The following STARD9 variants were observed in gnomAD, a reference collection of about 807,000 sequenced individuals.
STARD9 encodes StAR related lipid transfer domain containing 9, also known as stAR-related lipid transfer protein 9.
STARD9 carries 346 observed loss-of-function variants against 399.8 expected under a neutral mutation model. That is an observed-to-expected ratio of 0.87 (90% confidence interval 0.79 to 0.95). The LOEUF is 0.95. STARD9 is among the 40% of genes least tolerant of loss of function. The pLI, the probability that STARD9 is intolerant of heterozygous loss-of-function variation, is 0.00. For missense variants in STARD9, 5,832 were observed against 5,667.5 expected, an observed-to-expected ratio of 1.03 and a Z score of -0.93; for synonymous variants, 2,203 against 2,143.5, an observed-to-expected ratio of 1.03 and a Z score of -0.77.
chr15:42,693,189 C>G lies in STARD9; in HGVS notation c.11611C>G (p.Pro3871Ala). Residue 3871 changes from proline to alanine, a missense_variant, in exon 23 of 33, where the codon CCC becomes GCC. Coordinates refer to ENST00000290607, the MANE Select transcript of STARD9 (RefSeq NM_020759.3). ...CTCCCCTCATTCCCCAGGGCTCTTT[C>G]CCAGTACTTCCGAGTATCCTGGGGA... Reference protein sequence around the residue: ...PSSPHSPGLFPSTSEYPGDSR... With the variant: ...PSSPHSPGLFASTSEYPGDSR... 6.5e-7 allele frequency: 1 copy of G among 1,537,136 alleles called. No individual in the cohort carries two copies. The highest frequency in any genetic ancestry group is 8.7e-7 in the Non-Finnish European group (1 of 1,146,896).
At chr15:42,597,998 ATATGTGTGTGTG>A (rs1438219353) in intron 3 of STARD9, among the ~76,000 whole-genome samples, 26 of 112,692 alleles carry the variant, frequency 2.3e-4, no homozygotes, top group Non-Finnish European at 3.9e-4. Context: ...TTGTATATAT[ATATGTGTGTGTG>A]TGTGTGTGTG....
chr15:42,599,953 A>G (rs1208160396), intron 3 of STARD9, among the ~76,000 whole-genome samples: 1 of 152,158 alleles, frequency 6.6e-6, no homozygotes, highest in Non-Finnish European at 1.5e-5. Context: ...TAACATATCC[A>G]AAGTTTGTTT....
intron 3 of STARD9, among the ~76,000 whole-genome samples, chr15:42,633,141 CAATT>C (rs2059362543): frequency 6.8e-6 from 1 of 148,008 alleles, no homozygotes; most frequent in South Asian, 2.1e-4. Flanking sequence ...GACCCTGTCT[CAATT>C]AAAAAAAAAA....
At chr15:42,623,407 CTA>C (rs545893546) in intron 3 of STARD9, among the ~76,000 whole-genome samples, 322 of 152,290 alleles carry the variant, frequency 2.1e-3, no homozygotes, top group African/African-American at 7.6e-3. Flanking sequence ...TTTACTGACT[CTA>C]TGGTCTATCT....
chr15:42,702,493 C>T (rs1001219155), intron 26 of STARD9, among the ~76,000 whole-genome samples: 16 of 152,252 alleles, frequency 1.1e-4, no homozygotes, highest in Admixed American at 2.6e-4. Context: ...TGAGCCACCG[C>T]GCCCGGCCTG....
chr15:42,640,994 C>CTTGCA (rs1016718374), intron 7 of STARD9, among the ~76,000 whole-genome samples: 1 of 152,070 alleles, frequency 6.6e-6, no homozygotes, highest in Non-Finnish European at 1.5e-5. Flanking sequence ...AACTGGGAAA[C>CTTGCA]TTGCATTGCA....
chr15:42,609,843 A>G (rs1039391524), intron 3 of STARD9, among the ~76,000 whole-genome samples: 24 of 152,132 alleles, frequency 1.6e-4, no homozygotes, highest in African/African-American at 5.5e-4. Flanking sequence ...CTGCAATTCC[A>G]GCACTTTGGG....
At chr15:42,609,046 TC>T (rs2058795624) in intron 3 of STARD9, among the ~76,000 whole-genome samples, 2 of 152,120 alleles carry the variant, frequency 1.3e-5, no homozygotes, top group South Asian at 4.1e-4. Context: ...GCTAGGGTTT[TC>T]TTATGACAGT....
chr15:42,585,675 T>C (rs1566851800), intron 3 of STARD9, 38 bp downstream of exon 3: 2 of 1,241,660 alleles, frequency 1.6e-6, no homozygotes, highest in Non-Finnish European at 2.3e-6. Context: ...CCTCAGTTCT[T>C]TTTTTATGTA....
chr15:42,710,406 G>A (rs578148433), intron 26 of STARD9, among the ~76,000 whole-genome samples: 11 of 151,936 alleles, frequency 7.2e-5, no homozygotes, highest in Admixed American at 2.0e-4. Flanking sequence ...ATAATCCATT[G>A]GCTTTAGTAT....
intron 3 of STARD9, among the ~76,000 whole-genome samples, chr15:42,613,470 A>G (rs2141821854): frequency 6.6e-6 from 1 of 152,326 alleles, no homozygotes; most frequent in East Asian, 1.9e-4. Flanking sequence ...TTTATTTCCC[A>G]GATTCATAAT....
intron 6 of STARD9, 45 bp downstream of exon 6, chr15:42,638,132 A>G (rs1347808876): frequency 3.3e-6 from 5 of 1,493,794 alleles, no homozygotes; most frequent in Non-Finnish European, 4.5e-6. Context: ...TTCTTCTTCT[A>G]CTCCAAATTC....
chr15:42,648,497 G>T (rs2059690163), intron 7 of STARD9, among the ~76,000 whole-genome samples: 1 of 152,132 alleles, frequency 6.6e-6, no homozygotes, highest in South Asian at 2.1e-4. Context: ...AGTTCACTGA[G>T]TACAGAATTT....
chr15:42,675,957 C>T lies in STARD9; in HGVS notation c.1856C>T (p.Pro619Leu). ...DLAASRLGLS[P>L]LLWKERRALE... ...GCTGCCTCCCGGCTGGGTCTCTCCC[C>T]TTTGCTTTGGAAGGAAAGGTAAGAA... The change falls in exon 20 of 33, where the codon CCT becomes CTT. Residue 619 changes from proline to leucine, a missense_variant. Physicochemically the swap from Pro to Leu is moderately conservative, Grantham distance 98. Coordinates refer to ENST00000290607, the MANE Select transcript of STARD9 (RefSeq NM_020759.3). 1.4e-6 allele frequency: 2 copies of T among 1,437,988 alleles called. No homozygotes were observed. Among genetic ancestry groups the T allele is most frequent in the Admixed American group, 2.2e-5 (1 of 45,314 alleles). The allele number at this position is 1,437,988 out of a possible 1,614,324, so 89.1% of individuals were successfully genotyped here.
At chr15:42,617,336 T>G (rs2058985378) in intron 3 of STARD9, among the ~76,000 whole-genome samples, 1 of 152,176 alleles carries the variant, frequency 6.6e-6, no homozygotes, top group Non-Finnish European at 1.5e-5. Context: ...AAAAGAACAT[T>G]TATAGGGTGA....
intron 14 of STARD9, 130 bp downstream of exon 14, chr15:42,665,460 G>A: frequency 1.3e-6 from 1 of 746,976 alleles, no homozygotes; most frequent in Non-Finnish European, 2.2e-6. Context: ...AGAGACAGGA[G>A]CAAAGACAAA....
chr15:42,656,701 A>G (rs2059880189), intron 9 of STARD9, among the ~76,000 whole-genome samples: 1 of 152,226 alleles, frequency 6.6e-6, no homozygotes, highest in Non-Finnish European at 1.5e-5. Flanking sequence ...GGAGACCATT[A>G]TTCTAAGTTA....
At chr15:42,683,240 C>CT (rs759906372) in intron 22 of STARD9, among the ~76,000 whole-genome samples, 1 of 152,192 alleles carries the variant, frequency 6.6e-6, no homozygotes, top group Non-Finnish European at 1.5e-5. Flanking sequence ...TTGCTCACCT[C>CT]TCTGGTCTTC....
rs1009800953 is a variant in STARD9, at chr15:42,685,087, A to T, written c.3509A>T (p.Asn1170Ile). Reference protein sequence around the residue: ...KNRLGGNRPTNNRGQPRTRTR... With the variant: ...KNRLGGNRPTINRGQPRTRTR... ...AGGCTAGGGGGCAATCGTCCCACCAACAACCGTGGCCAACCCAGGACCAGA... is the reference window on the plus strand; with the variant it reads ...AGGCTAGGGGGCAATCGTCCCACCATCAACCGTGGCCAACCCAGGACCAGA... Residue 1170 changes from asparagine (N) to isoleucine (I), a missense_variant, in exon 23 of 33, where the codon AAC (asparagine) becomes ATC (isoleucine). Asn to Ile is a moderately radical substitution (Grantham distance 149). This residue lies in a region of STARD9 where 5,828 missense variants were observed against 5,651.1 expected (regional missense o/e 1.03). Transcript: ENST00000290607. 12 of 1,537,238 alleles carry T rather than the reference A, an allele frequency of 7.8e-6. No homozygotes were observed. Among genetic ancestry groups the T allele is most frequent in the Non-Finnish European group, 1.0e-5 (12 of 1,146,934 alleles).
Sources: allele counts gnomAD v4.1 joint callset (sites outside exome capture counted in the v4.1 genomes callset), GRCh38; gene constraint gnomAD v4.1.1; regional missense constraint gnomAD v4.1.1; transcripts MANE v1.5; gene names NCBI Gene and HGNC (gene_info 2026-07-23, HGNC 2026-07-21).